The following POU1F1 variants were observed in gnomAD, a reference collection of about 807,000 sequenced individuals.
POU1F1 encodes the protein POU class 1 homeobox 1, also known as pituitary-specific positive transcription factor 1.
Under a neutral mutation model 32.3 loss-of-function variants are expected in POU1F1, and 23 were observed. The ratio of observed to expected loss-of-function variants is 0.71; its 90% CI spans 0.51 to 1.01. The LOEUF is 1.01. Ranked by LOEUF, POU1F1 falls within the 50% of genes least tolerant of loss-of-function variation. POU1F1 has a pLI of 0.00. For synonymous variants in POU1F1, 120 were observed against 115.6 expected (o/e 1.04, Z -0.25); for missense variants, 323 against 341.6 (o/e 0.95, Z 0.43).
intron 2 of POU1F1, among the ~76,000 whole-genome samples, chr3:87,268,245 A>AT (rs1706662199): frequency 6.6e-6 from 1 of 151,082 alleles, no homozygotes; most frequent in South Asian, 2.1e-4. Context: ...CACCCGGCTA[A>AT]TTTTTATATT....
intron 3 of POU1F1, 56 bp from the exon 4 acceptor site, chr3:87,262,291 G>A: frequency 6.3e-7 from 1 of 1,598,998 alleles, no homozygotes; most frequent in South Asian, 1.1e-5. Flanking sequence ...TGTTAATTTT[G>A]GTTCATTGTC....
chr3:87,265,924 G>A (rs1706612009), intron 2 of POU1F1, among the ~76,000 whole-genome samples: 2 of 151,268 alleles, frequency 1.3e-5, no homozygotes, highest in South Asian at 4.2e-4. Flanking sequence ...TAAAAATATT[G>A]AGTAATTAAT....
chr3:87,262,280 A>G (rs1359953019), intron 3 of POU1F1, 45 bp from the exon 4 acceptor site: 4 of 1,610,782 alleles, frequency 2.5e-6, no homozygotes, highest in Non-Finnish European at 3.4e-6. Context: ...TTTCCAGGAA[A>G]TGTTAATTTT....
At chr3:87,275,389 A>C (rs1333468533) in intron 1 of POU1F1, among the ~76,000 whole-genome samples, 1 of 152,064 alleles carries the variant, frequency 6.6e-6, no homozygotes, top group African/African-American at 2.4e-5. Context: ...GATAGAGCTT[A>C]AATCCTTCAA....
At chr3:87,270,343 T>C (rs1706701883) in intron 2 of POU1F1, among the ~76,000 whole-genome samples, 1 of 152,134 alleles carries the variant, frequency 6.6e-6, no homozygotes, top group South Asian at 2.1e-4. Context: ...TAGTAATTAG[T>C]TAATGGCATG....
intron 2 of POU1F1, among the ~76,000 whole-genome samples, chr3:87,265,231 T>C (rs1337304159): frequency 1.3e-5 from 2 of 151,994 alleles, no homozygotes; most frequent in Non-Finnish European, 2.9e-5. Flanking sequence ...ATATACAATA[T>C]AATAGAATAA....
intron 2 of POU1F1, among the ~76,000 whole-genome samples, chr3:87,272,854 G>A (rs1048184513): frequency 2.4e-5 from 3 of 126,378 alleles, no homozygotes; most frequent in South Asian, 2.6e-4. Context: ...ATAATGATGA[G>A]GGGGGGTGTT....
intron 2 of POU1F1, among the ~76,000 whole-genome samples, chr3:87,271,433 G>A (rs1575981915): frequency 6.6e-6 from 1 of 152,198 alleles, no homozygotes; most frequent in Non-Finnish European, 1.5e-5. Flanking sequence ...CCCCTGCTCT[G>A]TGACTGGTTT....
Position 87,264,283 on chromosome 3 carries a change from C to T in POU1F1, c.439+5G>A, listed in dbSNP as rs1268804621. ...TTTTTCCTGTTGCCTTTAACAAGCA[C>T]ATACCTAATTTAATTCGTCTCACTT... is the stretch of plus-strand genomic sequence containing the variant. On this transcript the variant is annotated splice_donor_5th_base_variant and intron_variant, in intron 3 of 5. Coordinates refer to ENST00000350375, the MANE Select transcript of POU1F1 (RefSeq NM_000306.4). The T allele has an allele frequency of 2.5e-6, 4 of 1,603,184 alleles. No homozygotes were observed. The highest frequency in any genetic ancestry group is 1.3e-5 in the African/African-American group (1 of 74,668).
intron 3 of POU1F1, 129 bp downstream of exon 3, chr3:87,264,159 T>C (rs1277286366): frequency 1.3e-6 from 1 of 751,952 alleles, no homozygotes; most frequent in Non-Finnish European, 2.2e-6. Context: ...CCATAACGAC[T>C]AACTACGTCC....
intron 2 of POU1F1, among the ~76,000 whole-genome samples, chr3:87,267,563 G>C (rs1396634241): frequency 2.0e-5 from 3 of 151,782 alleles, no homozygotes; most frequent in Non-Finnish European, 4.4e-5. Context: ...TATATAAAGT[G>C]TGTCATCCCT....
intron 3 of POU1F1, 83 bp from the exon 4 acceptor site, chr3:87,262,318 C>T (rs1024514092): frequency 1.4e-6 from 2 of 1,453,390 alleles, no homozygotes; most frequent in Non-Finnish European, 1.9e-6. Context: ...ATCTGTGTAT[C>T]TTTGTCAACT....
chr3:87,274,947 G>A (rs1706798895), intron 1 of POU1F1, among the ~76,000 whole-genome samples: 1 of 151,696 alleles, frequency 6.6e-6, no homozygotes, highest in Non-Finnish European at 1.5e-5. Flanking sequence ...GGCATTTTGA[G>A]TATAAAATTA....
chr3:87,273,431 A>C lies in POU1F1; in HGVS notation c.143-13T>G. The stretch of plus-strand genomic sequence containing the variant: ...TGAAGTCCTGTTGCTGTGTTTCCCA[A>C]CGTTGTCACCGAGAAATGTGTGCAC... On this transcript the variant is annotated splice_polypyrimidine_tract_variant and intron_variant, in intron 1 of 5. Transcript: ENST00000350375. The C allele has an allele frequency of 6.2e-7, 1 of 1,612,192 alleles. No homozygotes were observed. Among genetic ancestry groups the C allele is most frequent in the Non-Finnish European group, 8.5e-7 (1 of 1,178,768 alleles).
intron 1 of POU1F1, 79 bp from the exon 2 acceptor site, chr3:87,273,497 C>T: frequency 6.3e-7 from 1 of 1,593,972 alleles, no homozygotes; most frequent in Non-Finnish European, 8.5e-7. Flanking sequence ...ATAGATGGGA[C>T]TGGTAAGAAA....
intron 2 of POU1F1, among the ~76,000 whole-genome samples, chr3:87,268,251 A>G (rs956088419): frequency 1.3e-5 from 2 of 150,596 alleles, no homozygotes; most frequent in South Asian, 4.2e-4. Context: ...GCTAATTTTT[A>G]TATTTTTTAA....
chr3:87,270,738 G>T (rs140951254), intron 2 of POU1F1, among the ~76,000 whole-genome samples: 6 of 151,770 alleles, frequency 4.0e-5, no homozygotes, highest in East Asian at 1.9e-4. Flanking sequence ...ACATAATAAG[G>T]TTTCTATTGT....
At chr3:87,270,637 C>T (rs779718042) in intron 2 of POU1F1, among the ~76,000 whole-genome samples, 32 of 152,064 alleles carry the variant, frequency 2.1e-4, no homozygotes, top group Middle Eastern at 3.4e-3. Flanking sequence ...TATGTGACAC[C>T]GTGTCGTTGT....
intron 3 of POU1F1, among the ~76,000 whole-genome samples, chr3:87,263,006 T>C (rs1300331080): frequency 6.6e-6 from 1 of 152,156 alleles, no homozygotes; most frequent in Non-Finnish European, 1.5e-5. Flanking sequence ...TATACCTATA[T>C]GTATAAAATG....
Sources: allele counts gnomAD v4.1 joint callset (sites outside exome capture counted in the v4.1 genomes callset), GRCh38; gene constraint gnomAD v4.1.1; transcripts MANE v1.5; gene names NCBI Gene and HGNC (gene_info 2026-07-23, HGNC 2026-07-21).